Variants in SOS2 observed in about 807,000 individuals in gnomAD.
SOS2 encodes the protein son of sevenless homolog 2.
A neutral mutation model predicts 148.2 loss-of-function variants in SOS2; 65 were observed. That is an observed-to-expected ratio of 0.44 (90% CI 0.36 to 0.54). SOS2 has a LOEUF of 0.54. SOS2 is among the 20% of genes least tolerant of loss of function. SOS2 has a pLI of 0.00. For missense variants in SOS2, 1,341 were observed against 1,590.2 expected, an observed-to-expected ratio of 0.84 and a Z score of 2.67; for synonymous variants, 539 against 537.1, an observed-to-expected ratio of 1.00 and a Z score of -0.05.
At chr14:50,227,169 C>T (rs1005931821) in intron 1 of SOS2, among the ~76,000 whole-genome samples, 2 of 151,966 alleles carry the variant, frequency 1.3e-5, no homozygotes, top group African/African-American at 4.8e-5. Flanking sequence ...AGCTAAAGAA[C>T]ACCACATTTC....
At chr14:50,188,839 G>A (rs1389086792) in intron 4 of SOS2, 139 bp from the exon 5 acceptor site, 1 of 607,244 alleles carries the variant, frequency 1.6e-6, no homozygotes, top group Non-Finnish European at 2.8e-6. Flanking sequence ...AAGGCAGGAG[G>A]ATCACTTGAG....
At chr14:50,164,262 A>G (rs746112717) in intron 8 of SOS2, among the ~76,000 whole-genome samples, 4 of 152,026 alleles carry the variant, frequency 2.6e-5, no homozygotes, top group Non-Finnish European at 5.9e-5. Context: ...CCACACGGAG[A>G]AACCTTGTCT....
intron 7 of SOS2, among the ~76,000 whole-genome samples, chr14:50,175,911 A>G (rs1412422378): frequency 6.6e-6 from 1 of 152,226 alleles, no homozygotes; most frequent in African/African-American, 2.4e-5. Context: ...TCCAGTAACC[A>G]AACTTCTTAC....
chr14:50,157,054 T>A lies in SOS2; in HGVS notation c.2002A>T (p.Ile668Phe). The change falls in exon 12 of 23, where the codon ATC (isoleucine) becomes TTC (phenylalanine). Residue 668 changes from isoleucine to phenylalanine, a missense_variant. Ile to Phe is a conservative substitution (Grantham distance 21). Coordinates refer to ENST00000216373, the MANE Select transcript of SOS2 (RefSeq NM_006939.4). ...KLAIEKGEQP[I>F]SADLKRFRKE... ...CGAAATCTTTTAAGGTCTGCACTGA[T>A]TGGCTGCTCGCCTTTCTCTATTGCC... 6.8e-6 allele frequency: 11 copies of A among 1,612,866 alleles called. No individual in the cohort carries two copies. The highest frequency in any genetic ancestry group is 9.3e-6 in the Non-Finnish European group (11 of 1,179,254).
intron 21 of SOS2, among the ~76,000 whole-genome samples, chr14:50,126,564 A>C (rs1883687022): frequency 6.6e-6 from 1 of 152,174 alleles, no homozygotes; most frequent in African/African-American, 2.4e-5. Flanking sequence ...ATGAAATTAG[A>C]ATAGGATGCT....
rs1326687639 is a variant in SOS2, at chr14:50,180,154, C to G, written c.969+418G>C. Among the ~76,000 whole-genome samples the G allele has an allele frequency of 6.6e-5, 10 of 151,370 alleles. No homozygotes were observed. The Admixed American group carries it at 6.6e-4, about 10-fold the overall frequency. On this transcript the variant is annotated intron_variant, in intron 7 of 22. Coordinates refer to ENST00000216373, the MANE Select transcript of SOS2 (RefSeq NM_006939.4). ...GAGTAGCTGGGATTACAGGAGCTCA[C>G]CACCACGCCCAGCTAACTTGTGCAA...
chr14:50,133,699 T>C (rs1027574649), intron 19 of SOS2, among the ~76,000 whole-genome samples: 3 of 152,198 alleles, frequency 2.0e-5, no homozygotes, highest in Admixed American at 1.3e-4. Flanking sequence ...CTGGAAATTG[T>C]AGCATCAAAT....
intron 1 of SOS2, among the ~76,000 whole-genome samples, chr14:50,218,501 C>T (rs1490040209): frequency 1.3e-5 from 2 of 151,026 alleles, no homozygotes; most frequent in Non-Finnish European, 2.9e-5. Context: ...CCAGCCTGGG[C>T]GACAGAGCAA....
At chr14:50,139,475 C>T (rs1486480086) in intron 17 of SOS2, among the ~76,000 whole-genome samples, 5 of 152,092 alleles carry the variant, frequency 3.3e-5, no homozygotes, top group African/African-American at 9.7e-5. Context: ...ATTACGCACA[C>T]GACAGCCCAT....
At chr14:50,185,309 C>A (rs1885872059) in intron 5 of SOS2, among the ~76,000 whole-genome samples, 1 of 152,002 alleles carries the variant, frequency 6.6e-6, no homozygotes. Flanking sequence ...TATAGGACAC[C>A]TAGTTGGTGT....
chr14:50,159,439 A>AT lies in SOS2; in HGVS notation c.1843dup (p.Met615AsnfsTer20). 1 of 1,604,402 alleles carries AT rather than the reference A, an allele frequency of 6.2e-7. No homozygotes were observed. Among genetic ancestry groups the AT allele is most frequent in the Non-Finnish European group, 8.5e-7 (1 of 1,173,186 alleles). On this transcript the variant is annotated frameshift_variant, in exon 10 of 23. Transcript: ENST00000216373. LOFTEE classifies it high-confidence loss of function. ...TAATGAGTTTCACATACCTGCATACATATGATATGTTAACCTTTCAATTAA... is the reference window on the plus strand; with the variant it reads ...TAATGAGTTTCACATACCTGCATACATTATGATATGTTAACCTTTCAATTAA...
At chr14:50,123,837 C>T (rs1002663323) in intron 21 of SOS2, among the ~76,000 whole-genome samples, 1 of 152,064 alleles carries the variant, frequency 6.6e-6, no homozygotes, top group East Asian at 1.9e-4. Context: ...TGGCTTGGAC[C>T]AGGGTGGCAG....
At chr14:50,190,847 A>C (rs920490466) in intron 4 of SOS2, among the ~76,000 whole-genome samples, 4 of 152,106 alleles carry the variant, frequency 2.6e-5, no homozygotes, top group African/African-American at 9.7e-5. Context: ...AGCCACTTTA[A>C]ATTTAAAGAA....
chr14:50,140,664 A>G (rs1884242280), intron 16 of SOS2, among the ~76,000 whole-genome samples: 1 of 152,212 alleles, frequency 6.6e-6, no homozygotes, highest in South Asian at 2.1e-4. Context: ...ATAACATTGT[A>G]GCTTTTATTC....
At chr14:50,208,292 G>T (rs2139810074) in intron 1 of SOS2, among the ~76,000 whole-genome samples, 1 of 151,898 alleles carries the variant, frequency 6.6e-6, no homozygotes, top group Non-Finnish European at 1.5e-5. Flanking sequence ...GTGAGACTCT[G>T]TCTCAAACAA....
At position 50,118,561 on chromosome 14, in the gene SOS2, G is replaced by C. The variant is rs780772018; in HGVS notation, c.3782C>G (p.Thr1261Ser). 3.1e-6 allele frequency: 5 copies of C among 1,614,068 alleles called. 1 individual carries two copies. The South Asian group carries it at 3.3e-5, about 11-fold the overall frequency. The change falls in exon 23 of 23, where the codon ACT becomes AGT. Residue 1261 changes from threonine to serine, a missense_variant. Physicochemically the swap from Thr to Ser is moderately conservative, Grantham distance 58. Around this residue, in one of 4 missense-constraint regions of SOS2, gnomAD observed 354 missense variants for 347.7 expected, o/e 1.02. Transcript: ENST00000216373. The part of the protein sequence containing the change: ...DISTCPNSPS[T>S]PPSTPSPRVP... ...CCTTGGAGAGGGTGTGCTAGGAGGA[G>C]TGCTTGGCGAATTTGGACACGTACT...
intron 8 of SOS2, among the ~76,000 whole-genome samples, chr14:50,173,552 G>C (rs895597008): frequency 6.6e-6 from 1 of 152,060 alleles, no homozygotes; most frequent in Non-Finnish European, 1.5e-5. Flanking sequence ...CTCCCAAGTA[G>C]CTGGGACTAC....
At chr14:50,176,896 G>A (rs1016776856) in intron 7 of SOS2, among the ~76,000 whole-genome samples, 3 of 152,170 alleles carry the variant, frequency 2.0e-5, no homozygotes, top group Non-Finnish European at 2.9e-5. Flanking sequence ...TGTAGTCCCA[G>A]CTACTTAGGA....
chr14:50,166,352 CCT>C (rs947100282), intron 8 of SOS2, among the ~76,000 whole-genome samples: 8 of 152,074 alleles, frequency 5.3e-5, no homozygotes, highest in Admixed American at 1.3e-4. Context: ...CCCCCCAACC[CCT>C]GAGTAGCTTG....
Sources: allele counts gnomAD v4.1 joint callset (sites outside exome capture counted in the v4.1 genomes callset), GRCh38; gene constraint gnomAD v4.1.1; regional missense constraint gnomAD v4.1.1; transcripts MANE v1.5; gene names NCBI Gene and HGNC (gene_info 2026-07-23, HGNC 2026-07-21).